Variants in VTA1 observed in about 807,000 individuals in gnomAD.
The protein encoded by VTA1 is vacuolar protein sorting-associated protein VTA1 homolog.
In VTA1, 24 loss-of-function variants were observed where a neutral mutation model predicts 36.9. The ratio of observed to expected loss-of-function variants is 0.65; its 90% CI spans 0.47 to 0.91. VTA1 has a LOEUF of 0.91. VTA1 is among the 40% of genes least tolerant of loss of function. The probability of loss-of-function intolerance (pLI) is 0.00; values close to 1 mark genes in which losing one functional copy is unlikely to be tolerated. For missense variants in VTA1, 393 were observed against 377.2 expected (o/e 1.04, Z -0.35); for synonymous variants, 142 against 130.2 (o/e 1.09, Z -0.62).
intron 1 of VTA1, among the ~76,000 whole-genome samples, chr6:142,151,893 A>G (rs1582873475): frequency 6.6e-6 from 1 of 152,044 alleles, no homozygotes; most frequent in African/African-American, 2.4e-5. Context: ...AATTAGCTGG[A>G]TGTGGTGGCA....
In VTA1 at chr6:142,150,882, A is replaced by G. The variant is rs1260983681; in HGVS notation, c.112+3483A>G. Among the ~76,000 whole-genome samples, 7 of 151,828 alleles carry G rather than the reference A, an allele frequency of 4.6e-5. No homozygotes were observed. The East Asian group carries it at 1.4e-3, about 29-fold the overall frequency. ...AGCTGAGATCGTGCCATTGCACTCC[A>G]GCCTGGGCAGCAAGAGCGAAACTCC... On this transcript the variant is annotated intron_variant, in intron 1 of 7. Transcript: ENST00000367630.
intron 4 of VTA1, among the ~76,000 whole-genome samples, chr6:142,174,804 G>A (rs1200826957): frequency 6.6e-6 from 1 of 152,042 alleles, no homozygotes; most frequent in African/African-American, 2.4e-5. Flanking sequence ...GTTATTTCAC[G>A]TGAGAAGTGG....
chr6:142,181,044 A>G lies in VTA1; in HGVS notation c.412-8382A>G, dbSNP rs536513029. Among the ~76,000 whole-genome samples, 10 of 139,370 alleles carry G rather than the reference A, an allele frequency of 7.2e-5. No individual in the cohort carries two copies. In the South Asian group the frequency reaches 1.4e-3, roughly 19 times the overall value. 91.4% of individuals were successfully genotyped at this position (139,370 alleles called of 152,430 possible). ...GAAAGTGCAATGAAAGGGTAAGGGG[A>G]CACCGTGTCTTCAATTTACTCTTAA... On this transcript the variant is annotated intron_variant, in intron 4 of 7. Transcript: ENST00000367630.
Position 142,166,231 on chromosome 6 carries a change from G to A in VTA1, c.116G>A (p.Arg39His), listed in dbSNP as rs771469609. 3.8e-6 allele frequency: 6 copies of A among 1,598,198 alleles called. No homozygotes were observed. In the African/African-American group the frequency reaches 4.0e-5, roughly 11 times the overall value. Residue 39 changes from arginine to histidine, a missense_variant, in exon 2 of 8, where the codon CGT (arginine) becomes CAT (histidine). Arg to His is a conservative substitution (Grantham distance 29). Transcript: ENST00000367630. ...KRDPVVAYYC[R>H]LYAMQTGMKI... ...ATTATCTTACTTTTCTTTCTAGGTC[G>A]TTTATACGCAATGCAGACTGGAATG...
At chr6:142,161,743 A>G (rs1260163569) in intron 1 of VTA1, among the ~76,000 whole-genome samples, 1 of 152,124 alleles carries the variant, frequency 6.6e-6, no homozygotes, top group African/African-American at 2.4e-5. Flanking sequence ...GCTAGAATGA[A>G]TTGCTTGTCT....
At chr6:142,181,277 G>C (rs895165506) in intron 4 of VTA1, among the ~76,000 whole-genome samples, 3 of 147,350 alleles carry the variant, frequency 2.0e-5, no homozygotes, top group African/African-American at 7.4e-5. Context: ...GGGACTACAG[G>C]TGGCTGCTAC....
chr6:142,191,985 G>A (rs1426335575), intron 5 of VTA1, among the ~76,000 whole-genome samples: 8 of 151,900 alleles, frequency 5.3e-5, no homozygotes, highest in Non-Finnish European at 1.2e-4. Context: ...TAGTAAAACC[G>A]TAGAAAATAA....
intron 5 of VTA1, among the ~76,000 whole-genome samples, chr6:142,196,897 C>CT (rs1248577369): frequency 6.6e-6 from 1 of 152,144 alleles, no homozygotes; most frequent in East Asian, 1.9e-4. Flanking sequence ...CCTGTTTCAG[C>CT]TTTAAGTTGC....
chr6:142,176,154 T>A (rs186126971), intron 4 of VTA1, among the ~76,000 whole-genome samples: 1 of 152,284 alleles, frequency 6.6e-6, no homozygotes, highest in East Asian at 1.9e-4. Flanking sequence ...TTCATTGTAT[T>A]TTAGATTCAT....
intron 1 of VTA1, among the ~76,000 whole-genome samples, chr6:142,150,303 G>A (rs945478045): frequency 2.0e-5 from 3 of 152,094 alleles, no homozygotes; most frequent in Non-Finnish European, 4.4e-5. Flanking sequence ...CTAGACCAGC[G>A]CTCTCCAAAC....
rs752712364 is a variant in VTA1, at chr6:142,198,574, A to C, written c.656A>C (p.His219Pro). Reference sequence around the variant, plus strand: ...GGAATACAGATTCCTCCGGGTGCACACGCTCCAGCTAATACACCAGCAGAA... The same window carrying C: ...GGAATACAGATTCCTCCGGGTGCACCCGCTCCAGCTAATACACCAGCAGAA... ...YTGIQIPPGA[H>P]APANTPAEVP... Residue 219 changes from histidine (H) to proline (P), a missense_variant, in exon 6 of 8, where the codon CAC becomes CCC. Physicochemically the swap from His to Pro is moderately conservative, Grantham distance 77. Transcript: ENST00000367630. 23 of 1,613,588 alleles carry C rather than the reference A, an allele frequency of 1.4e-5. No individual in the cohort carries two copies. The highest frequency in any genetic ancestry group is 1.7e-5 in the Admixed American group (1 of 59,990).
intron 4 of VTA1, among the ~76,000 whole-genome samples, chr6:142,181,095 ATAT>A (rs1432506179): frequency 1.4e-4 from 5 of 35,238 alleles, no homozygotes; most frequent in Admixed American, 9.2e-4. Context: ...AAAAAAAAAA[ATAT>A]ATATATATAT....
At chr6:142,189,008 AT>A (rs1387046295) in intron 4 of VTA1, among the ~76,000 whole-genome samples, 1 of 151,774 alleles carries the variant, frequency 6.6e-6, no homozygotes, top group East Asian at 1.9e-4. Flanking sequence ...TTTTCTTTTT[AT>A]TTTTTTCTTG....
chr6:142,192,141 G>A (rs545745347), intron 5 of VTA1, among the ~76,000 whole-genome samples: 12 of 152,068 alleles, frequency 7.9e-5, no homozygotes, highest in East Asian at 1.9e-4. Context: ...ATGATTTAAC[G>A]TATACTTTTT....
intron 1 of VTA1, among the ~76,000 whole-genome samples, chr6:142,151,214 C>T (rs1020160004): frequency 3.3e-5 from 5 of 152,182 alleles, no homozygotes; most frequent in African/African-American, 1.2e-4. Flanking sequence ...GGAAGATTAG[C>T]TGTAGGGACA....
intron 7 of VTA1, among the ~76,000 whole-genome samples, chr6:142,212,287 G>A (rs1775918699): frequency 6.6e-6 from 1 of 152,104 alleles, no homozygotes; most frequent in Non-Finnish European, 1.5e-5. Context: ...GTCGGTGAAT[G>A]GATAAATAAA....
Position 142,221,215 on chromosome 6 carries a change from C to T in VTA1, c.*2572C>T, listed in dbSNP as rs1263889641. 6.6e-6 allele frequency: 1 copy of T among 152,148 alleles called. No individual in the cohort carries two copies. The highest frequency in any genetic ancestry group is 2.4e-5 in the African/African-American group (1 of 41,428). The allele number at this position is 152,148 out of a possible 1,614,324, so 9.4% of individuals were successfully genotyped here. On this transcript the variant is annotated 3_prime_UTR_variant, in exon 8 of 8. Transcript: ENST00000367630. ...ACTTGCTAGAAAGTTCTGGGGACCA[C>T]ACTATGGGAACTTCTGTATTAAATA...
At chr6:142,194,013 G>A (rs1219307672) in intron 5 of VTA1, among the ~76,000 whole-genome samples, 1 of 152,066 alleles carries the variant, frequency 6.6e-6, no homozygotes, top group Non-Finnish European at 1.5e-5. Flanking sequence ...CAGAGAATGG[G>A]AAATCAAACT....
intron 7 of VTA1, 140 bp from the exon 8 acceptor site, chr6:142,218,358 A>T (rs1776040828): frequency 1.2e-6 from 1 of 818,794 alleles, no homozygotes; most frequent in African/African-American, 1.8e-5. Flanking sequence ...AATGTATCAA[A>T]GTTCATGTGA....
Sources: allele counts gnomAD v4.1 joint callset (sites outside exome capture counted in the v4.1 genomes callset), GRCh38; gene constraint gnomAD v4.1.1; transcripts MANE v1.5; gene names NCBI Gene and HGNC (gene_info 2026-07-23, HGNC 2026-07-21).